Variants in SLF2 observed in about 807,000 individuals in gnomAD.
The protein encoded by SLF2 is SMC5/6 complex localization factor 2.
Under a neutral mutation model 124.3 loss-of-function variants are expected in SLF2, and 68 were observed. The observed-to-expected ratio is 0.55, with a 90% CI of 0.45 to 0.67. The LOEUF is 0.67. Ranked by LOEUF, SLF2 falls within the 30% of genes least tolerant of loss-of-function variation. The pLI is 0.00. For synonymous variants in SLF2, 480 were observed against 478.8 expected (o/e 1.00, Z -0.03); for missense variants, 1,246 against 1,373.7 (o/e 0.91, Z 1.47).
chr10:100,916,112 A>T (rs1849408069), intron 2 of SLF2, 70 bp downstream of exon 2: 1 of 1,207,534 alleles, frequency 8.3e-7, no homozygotes, highest in African/African-American at 1.5e-5. Context: ...TTCAACTTTA[A>T]AACCTACTCT....
chr10:100,924,263 G>A lies in SLF2; in HGVS notation c.1262G>A (p.Arg421Lys), dbSNP rs1485351176. The A allele has an allele frequency of 8.7e-6, 14 of 1,614,032 alleles. No homozygotes were observed. Among genetic ancestry groups the A allele is most frequent in the Non-Finnish European group, 1.1e-5 (13 of 1,180,016 alleles). ...NSGNSGHHST[R>K]NSDQIQVAGT... ...GGCAATTCTGGCCACCATTCTACCA[G>A]GAATAGTGACCAAATCCAAGTGGCA... The change falls in exon 5 of 20, where the codon AGG (arginine) becomes AAG (lysine). Residue 421 changes from arginine (R) to lysine (K), a missense_variant. Around this residue, in one of 3 missense-constraint regions of SLF2, gnomAD observed 698 missense variants for 708.9 expected, o/e 0.98. Coordinates refer to ENST00000238961, the MANE Select transcript of SLF2 (RefSeq NM_018121.4).
rs775741330 is a variant in SLF2 at position 100,924,124 on chromosome 10, A to G, written c.1123A>G (p.Ile375Val). The change falls in exon 5 of 20, where the codon ATA (isoleucine) becomes GTA (valine). Residue 375 changes from isoleucine (I) to valine (V), a missense_variant. Around this residue, in one of 3 missense-constraint regions of SLF2, gnomAD observed 698 missense variants for 708.9 expected, o/e 0.98. Coordinates refer to ENST00000238961, the MANE Select transcript of SLF2 (RefSeq NM_018121.4). ...TGGACCACATCAGAAAGAAAAATTT[A>G]TAAAACATATTGCACTGAAGACACC... ...PDGPHQKEKF[I>V]KHIALKTPGD... is the part of the protein sequence containing the mutation. 2.3e-5 allele frequency: 37 copies of G among 1,612,976 alleles called. No individual in the cohort carries two copies. Among genetic ancestry groups the G allele is most frequent in the Middle Eastern group, 1.6e-4 (1 of 6,076 alleles).
chr10:100,959,668 C>A, intron 19 of SLF2, 172 bp downstream of exon 19: 1 of 1,176,274 alleles, frequency 8.5e-7, no homozygotes, highest in Non-Finnish European at 1.1e-6. Context: ...TTTTCGTTTG[C>A]TTTATATTCA....
chr10:100,920,481 A>G (rs1849504276), intron 4 of SLF2, among the ~76,000 whole-genome samples: 1 of 152,172 alleles, frequency 6.6e-6, no homozygotes, highest in South Asian at 2.1e-4. Context: ...TATTTTTATT[A>G]CCAATATTTT....
Position 100,954,101 on chromosome 10 carries a change from A to C in SLF2, c.3331-2350A>C, listed in dbSNP as rs572483422. Among the ~76,000 whole-genome samples, 202 of 152,116 alleles carry C rather than the reference A, an allele frequency of 1.3e-3. 2 individuals carry two copies. Among genetic ancestry groups the C allele is most frequent in the South Asian group, 0.011 (54 of 4,814 alleles). The stretch of plus-strand genomic sequence containing the variant: ...GCAGCATGCCATCTTTACAAAAAAA[A>C]AAAAAATTAACCGGGCATGGTGATG... On this transcript the variant is annotated intron_variant, in intron 17 of 19. Coordinates refer to ENST00000238961, the MANE Select transcript of SLF2 (RefSeq NM_018121.4).
At chr10:100,925,277 C>T (rs756229662) in intron 5 of SLF2, among the ~76,000 whole-genome samples, 2 of 152,088 alleles carry the variant, frequency 1.3e-5, no homozygotes, top group African/African-American at 2.4e-5. Context: ...CTTTCTAAAG[C>T]ATATGCAAAA....
chr10:100,949,715 C>T (rs1338342620), intron 15 of SLF2, among the ~76,000 whole-genome samples: 2 of 152,054 alleles, frequency 1.3e-5, no homozygotes, highest in Non-Finnish European at 2.9e-5. Context: ...CGTGCCTCAG[C>T]CTCCCGAGTA....
chr10:100,927,395 T>C (rs577392632), intron 6 of SLF2, among the ~76,000 whole-genome samples: 1 of 152,380 alleles, frequency 6.6e-6, no homozygotes, highest in Non-Finnish European at 1.5e-5. Flanking sequence ...TCTTCAGAGT[T>C]CATTCATATA....
rs1276972279 is a variant in SLF2 at position 100,943,959 on chromosome 10, A to G, written c.2655-67A>G. 6.0e-6 allele frequency: 6 copies of G among 996,024 alleles called. No individual in the cohort carries two copies. In the African/African-American group the frequency reaches 1.0e-4, roughly 17 times the overall value. 61.7% of individuals were successfully genotyped at this position (996,024 alleles called of 1,614,324 possible). ...AAACATAGTTTTTAAAAAGTAGCCCAGAATTTCTTAAAGTGAGTTATATAT... is the reference window on the plus strand; with the variant it reads ...AAACATAGTTTTTAAAAAGTAGCCCGGAATTTCTTAAAGTGAGTTATATAT... On this transcript the variant is annotated intron_variant, in intron 11 of 19. Coordinates refer to ENST00000238961, the MANE Select transcript of SLF2 (RefSeq NM_018121.4).
chr10:100,938,833 AAG>A, intron 11 of SLF2, 97 bp downstream of exon 11: 1 of 1,157,728 alleles, frequency 8.6e-7, no homozygotes, highest in South Asian at 2.1e-5. Context: ...GATTTTTAAA[AAG>A]ATCTCTCAAA....
intron 4 of SLF2, among the ~76,000 whole-genome samples, chr10:100,921,805 CT>C (rs1315242802): frequency 2.0e-5 from 3 of 152,174 alleles, no homozygotes; most frequent in Admixed American, 1.3e-4. Flanking sequence ...TAATCCCATA[CT>C]TAAAAGTAAG....
chr10:100,945,191 T>C (rs1467258822), intron 12 of SLF2, 139 bp from the exon 13 acceptor site: 2 of 651,918 alleles, frequency 3.1e-6, no homozygotes, highest in Non-Finnish European at 4.8e-6. Context: ...AGTTCTTGCC[T>C]TCTTTTCTCT....
At chr10:100,953,361 G>A (rs1308092308) in intron 17 of SLF2, among the ~76,000 whole-genome samples, 1 of 151,014 alleles carries the variant, frequency 6.6e-6, no homozygotes. Context: ...GACTGGGCAT[G>A]GTGGCTCATG....
Position 100,947,817 on chromosome 10 carries a change from C to A in SLF2, c.3090C>A (p.His1030Gln). 2 of 1,611,740 alleles carry A rather than the reference C, an allele frequency of 1.2e-6. No homozygotes were observed. The highest frequency in any genetic ancestry group is 1.7e-6 in the Non-Finnish European group (2 of 1,178,836). ...TTTCAAAGCTTTTGGATGAGAAACACGAAGATGTTCCTAATGCCAGTAATC... is the reference window on the plus strand; with the variant it reads ...TTTCAAAGCTTTTGGATGAGAAACAAGAAGATGTTCCTAATGCCAGTAATC... ...VIISKLLDEK[H>Q]EDVPNASNLQ... is the part of the protein sequence containing the mutation. Residue 1030 changes from histidine to glutamine, a missense_variant, in exon 15 of 20, where the codon CAC becomes CAA. Transcript: ENST00000238961.
intron 9 of SLF2, among the ~76,000 whole-genome samples, chr10:100,933,752 T>C (rs777336388): frequency 6.6e-6 from 1 of 152,200 alleles, no homozygotes; most frequent in Non-Finnish European, 1.5e-5. Context: ...TGATCTCTGC[T>C]CACTACAACC....
intron 19 of SLF2, chr10:100,959,697 T>C (rs1475102976): frequency 2.0e-6 from 2 of 987,490 alleles, no homozygotes; most frequent in Non-Finnish European, 2.7e-6. Context: ...TTTCCAGAAG[T>C]GGTTGAGCCC....
chr10:100,921,822 G>C (rs998328342), intron 4 of SLF2, among the ~76,000 whole-genome samples: 5 of 152,142 alleles, frequency 3.3e-5, no homozygotes, highest in Non-Finnish European at 7.3e-5. Flanking sequence ...GTAAGATAAT[G>C]AGCCAAATCT....
intron 8 of SLF2, among the ~76,000 whole-genome samples, chr10:100,930,431 T>G (rs1849709842): frequency 6.6e-6 from 1 of 152,158 alleles, no homozygotes; most frequent in Non-Finnish European, 1.5e-5. Flanking sequence ...TCCCACACAC[T>G]AAGTTAGTTG....
intron 11 of SLF2, chr10:100,943,692 T>C (rs1850022455): frequency 5.8e-6 from 1 of 173,808 alleles, no homozygotes. Flanking sequence ...CCAACAGCAA[T>C]GAGGATAGTA....
Sources: allele counts gnomAD v4.1 joint callset (sites outside exome capture counted in the v4.1 genomes callset), GRCh38; gene constraint gnomAD v4.1.1; regional missense constraint gnomAD v4.1.1; transcripts MANE v1.5; gene names NCBI Gene and HGNC (gene_info 2026-07-23, HGNC 2026-07-21).